Variants in USP30 observed in about 807,000 individuals in gnomAD.
USP30 encodes ubiquitin carboxyl-terminal hydrolase 30.
Under a neutral mutation model 68.2 loss-of-function variants are expected in USP30, and 41 were observed. That is an observed-to-expected ratio of 0.60 (90% CI 0.47 to 0.78). The LOEUF (loss-of-function observed/expected upper bound fraction) is 0.78. Ranked by LOEUF, USP30 falls within the 30% of genes least tolerant of loss-of-function variation. The pLI, the probability that USP30 is intolerant of heterozygous loss-of-function variation, is 0.00. For missense variants in USP30, 522 were observed against 649.4 expected, an observed-to-expected ratio of 0.80 and a Z score of 2.13; for synonymous variants, 229 against 253.7, an observed-to-expected ratio of 0.90 and a Z score of 0.93.
intron 3 of USP30, among the ~76,000 whole-genome samples, chr12:109,045,259 G>A (rs575010348): frequency 4.2e-4 from 64 of 152,314 alleles, no homozygotes; most frequent in Non-Finnish European, 6.6e-4. Context: ...GATTACAGGC[G>A]TGAGCCACTG....
At chr12:109,077,825 T>G (rs10850840) in intron 7 of USP30, among the ~76,000 whole-genome samples, 104,676 of 150,908 alleles carry the variant, frequency 0.69, 37,777 homozygotes, top group East Asian at 0.97. Context: ...GTGTTTGTGT[T>G]GGGGGGGGAG....
chr12:109,057,556 G>A (rs1200670603), intron 2 of USP30, among the ~76,000 whole-genome samples: 2 of 152,198 alleles, frequency 1.3e-5, no homozygotes, highest in Non-Finnish European at 2.9e-5. Context: ...TCTGTTCTGA[G>A]AAACATTGCT....
chr12:109,083,391 C>T (rs747647737), intron 11 of USP30, among the ~76,000 whole-genome samples: 2 of 152,018 alleles, frequency 1.3e-5, no homozygotes, highest in Non-Finnish European at 2.9e-5. Context: ...TTTCTTTTTT[C>T]GGTCATGTCA....
intron 3 of USP30, among the ~76,000 whole-genome samples, chr12:109,037,118 A>G (rs1213712677): frequency 2.0e-5 from 3 of 151,888 alleles, no homozygotes; most frequent in Non-Finnish European, 2.9e-5. Flanking sequence ...TTTTCCTTCA[A>G]TTATTTTTCC....
intron 3 of USP30, among the ~76,000 whole-genome samples, chr12:109,035,719 T>C (rs992596701): frequency 1.3e-5 from 2 of 152,338 alleles, no homozygotes; most frequent in South Asian, 4.1e-4. Flanking sequence ...TTCAATAGTA[T>C]ATAAAAACAT....
chr12:109,060,038 A>G (rs2041014214), intron 3 of USP30: 1 of 152,240 alleles, frequency 6.6e-6, no homozygotes, highest in African/African-American at 2.4e-5. Flanking sequence ...TCGGAAGCTA[A>G]GCCGGGTAGT....
chr12:109,053,148 CAT>C (rs1200791362), intron 1 of USP30, among the ~76,000 whole-genome samples: 1 of 152,132 alleles, frequency 6.6e-6, no homozygotes, highest in Non-Finnish European at 1.5e-5. Context: ...GTCCCCCAAT[CAT>C]ATCAGTTTCT....
intron 9 of USP30, chr12:109,082,415 T>G (rs867288019): frequency 7.1e-6 from 4 of 560,070 alleles, no homozygotes; most frequent in South Asian, 2.3e-5. Flanking sequence ...GAACAATTAA[T>G]AGATGACATG....
chr12:109,071,740 G>C, intron 5 of USP30, 30 bp downstream of exon 5: 3 of 1,577,400 alleles, frequency 1.9e-6, no homozygotes, highest in Non-Finnish European at 2.6e-6. Context: ...AACACGTTCT[G>C]TGCAGCTTGT....
chr12:109,061,360 T>C (rs1326353535), intron 3 of USP30, among the ~76,000 whole-genome samples: 3 of 151,132 alleles, frequency 2.0e-5, no homozygotes, highest in Middle Eastern at 3.2e-3. Flanking sequence ...CTCATTTCTC[T>C]GCTTCTGCTT....
intron 3 of USP30, among the ~76,000 whole-genome samples, chr12:109,041,943 A>C (rs1490961905): frequency 6.6e-6 from 1 of 152,182 alleles, no homozygotes; most frequent in Non-Finnish European, 1.5e-5. Flanking sequence ...AAACTTATAG[A>C]GTATCTCTCA....
At chr12:109,046,266 T>G in intron 3 of USP30, among the ~76,000 whole-genome samples, 1 of 151,858 alleles carries the variant, frequency 6.6e-6, no homozygotes, top group Admixed American at 6.6e-5. Context: ...CACACCTGGC[T>G]AATTTTTATT....
At chr12:109,079,471 C>T (rs2041733338) in intron 7 of USP30, among the ~76,000 whole-genome samples, 1 of 147,158 alleles carries the variant, frequency 6.8e-6, no homozygotes, top group African/African-American at 2.5e-5. Flanking sequence ...TCAAGTTATC[C>T]TCCCACCTTA....
chr12:109,071,735 G>A (rs928558087), intron 5 of USP30, 25 bp downstream of exon 5: 15 of 1,593,478 alleles, frequency 9.4e-6, no homozygotes, highest in African/African-American at 4.0e-5. Context: ...TTTCCAACAC[G>A]TTCTGTGCAG....
intron 2 of USP30, among the ~76,000 whole-genome samples, chr12:109,026,844 G>C (rs2040448698): frequency 6.6e-6 from 1 of 152,096 alleles, no homozygotes; most frequent in South Asian, 2.1e-4. Flanking sequence ...TTCTGGTGAG[G>C]GCTCTCTTCC....
intron 3 of USP30, among the ~76,000 whole-genome samples, chr12:109,028,781 C>A (rs2040462198): frequency 6.6e-6 from 1 of 152,116 alleles, no homozygotes; most frequent in South Asian, 2.1e-4. Flanking sequence ...CCGACTACCA[C>A]ACACTTTTAA....
chr12:109,046,329 G>A (rs771313187), intron 3 of USP30, among the ~76,000 whole-genome samples: 4 of 151,552 alleles, frequency 2.6e-5, no homozygotes, highest in Non-Finnish European at 5.9e-5. Context: ...TGGCCAGGAT[G>A]GTCTCGATCT....
rs114748064 is a variant in USP30 at position 109,053,376 on chromosome 12, A to G, written c.83+615A>G. Among the ~76,000 whole-genome samples, 1,327 of 152,074 alleles carry G rather than the reference A, an allele frequency of 8.7e-3. 19 individuals are homozygous for G. The highest frequency in any genetic ancestry group is 0.03 in the African/African-American group (1,234 of 41,474). ...TCTCTAAATTGGTCAGGGCCCCTTT[A>G]ACCTGTTAAGGTTGCTTGGTCCTGT... On this transcript the variant is annotated intron_variant, in intron 1 of 12. Coordinates refer to ENST00000257548, the MANE Select transcript of USP30 (RefSeq NM_032663.5).
chr12:109,082,448 C>G (rs771386393), intron 9 of USP30: 4 of 580,946 alleles, frequency 6.9e-6, no homozygotes, highest in Non-Finnish European at 6.1e-6. Context: ...CATCAGTGTT[C>G]GCTCTTCACA....
Sources: gnomAD v4.1 joint callset for allele counts (sites outside exome capture counted in the v4.1 genomes callset) on GRCh38, gnomAD v4.1.1 for gene constraint, MANE v1.5 for transcripts, NCBI Gene and HGNC (gene_info 2026-07-23, HGNC 2026-07-21) for gene names.